Variants in LRP1B observed in about 807,000 individuals in gnomAD.
LRP1B encodes the protein low-density lipoprotein receptor-related protein 1B.
A neutral mutation model predicts 556.6 loss-of-function variants in LRP1B; 217 were observed. That is an observed-to-expected ratio of 0.39 (90% CI 0.35 to 0.44). The LOEUF is 0.44. LRP1B is among the 20% of genes least tolerant of loss of function. The pLI, the probability that LRP1B is intolerant of heterozygous loss-of-function variation, is 1.00. For missense variants in LRP1B, 5,053 were observed against 5,620.8 expected (o/e 0.90, Z 3.23); for synonymous variants, 2,047 against 1,865.8 (o/e 1.10, Z -2.50).
intron 20 of LRP1B, among the ~76,000 whole-genome samples, chr2:140,939,592 A>G (rs1401937073): frequency 6.7e-6 from 1 of 150,226 alleles, no homozygotes; most frequent in East Asian, 1.9e-4. Flanking sequence ...AACTGTATTT[A>G]CTATGTAAAT....
rs562385221 is a variant in LRP1B at position 140,937,774 on chromosome 2, A to T, written c.3136+12461T>A. Among the ~76,000 whole-genome samples, 8 of 152,062 alleles carry T rather than the reference A, an allele frequency of 5.3e-5. No individual in the cohort carries two copies. In the South Asian group the frequency reaches 1.7e-3, roughly 32 times the overall value. On this transcript the variant is annotated intron_variant, in intron 20 of 90. Transcript: ENST00000389484. ...GGTGGGTTAGCTGAGATAGGGTATG[A>T]TATAGATTAGAAGTCAAAATATATT...
chr2:142,057,937 C>G (rs1260767457), intron 1 of LRP1B, among the ~76,000 whole-genome samples: 1 of 152,112 alleles, frequency 6.6e-6, no homozygotes, highest in African/African-American at 2.4e-5. Context: ...CTCTTGAACC[C>G]TTTCTACAGG....
intron 2 of LRP1B, among the ~76,000 whole-genome samples, chr2:141,681,288 G>A (rs556284341): frequency 4.0e-4 from 60 of 151,854 alleles, no homozygotes; most frequent in Middle Eastern, 3.4e-3. Flanking sequence ...GCAAGAGCTC[G>A]TCTCAAAAAA....
chr2:140,462,140 C>T (rs997069064), intron 60 of LRP1B, among the ~76,000 whole-genome samples: 9 of 152,070 alleles, frequency 5.9e-5, no homozygotes, highest in Non-Finnish European at 1.0e-4. Flanking sequence ...ACATTAAATC[C>T]TACTATCTTT....
At chr2:140,356,143 T>C (rs929352817) in intron 75 of LRP1B, among the ~76,000 whole-genome samples, 199 bp downstream of exon 75, 4 of 149,052 alleles carry the variant, frequency 2.7e-5, no homozygotes, top group Non-Finnish European at 6.0e-5. Flanking sequence ...AAAAGCTTTG[T>C]AGCCTCTGTC....
At chr2:141,660,033 G>A (rs552790938) in intron 2 of LRP1B, among the ~76,000 whole-genome samples, 1 of 152,164 alleles carries the variant, frequency 6.6e-6, no homozygotes, top group East Asian at 1.9e-4. Flanking sequence ...TGGCAGAGAG[G>A]GGCCAAAAGG....
chr2:140,680,261 T>A (rs76090500), intron 41 of LRP1B, among the ~76,000 whole-genome samples: 1 of 152,182 alleles, frequency 6.6e-6, no homozygotes, highest in African/African-American at 2.4e-5. Context: ...CACGTAGGCA[T>A]GGAGCTTTAA....
chr2:141,660,184 G>A (rs1690160087), intron 2 of LRP1B, among the ~76,000 whole-genome samples: 1 of 152,058 alleles, frequency 6.6e-6, no homozygotes, highest in Non-Finnish European at 1.5e-5. Flanking sequence ...AGAGAGTGAG[G>A]AAAAGCAGGG....
rs11465120 is a variant in LRP1B, at chr2:141,424,113, C to CTTTT, written c.343+56279_343+56282dup. On this transcript the variant is annotated intron_variant, in intron 3 of 90. Transcript: ENST00000389484. The stretch of plus-strand genomic sequence containing the variant: ...GGAGTTAACTATTACAAGCCTTCAT[C>CTTTT]TTTTTTTTTTTTTTTTTGAGATGGG... Among the ~76,000 whole-genome samples the CTTTT allele has an allele frequency of 1.0e-4, 14 of 136,990 alleles. 2 individuals are homozygous for CTTTT. Among genetic ancestry groups the CTTTT allele is most frequent in the Non-Finnish European group, 9.3e-5 (6 of 64,582 alleles). The allele number at this position is 136,990 out of a possible 152,430, so 89.9% of individuals were successfully genotyped here.
chr2:141,671,999 T>C (rs1442410979), intron 2 of LRP1B, among the ~76,000 whole-genome samples: 3 of 151,980 alleles, frequency 2.0e-5, no homozygotes, highest in African/African-American at 4.8e-5. Flanking sequence ...GAGGCAGATA[T>C]TAGGAAAATA....
chr2:141,507,667 G>T (rs942027356), intron 2 of LRP1B, among the ~76,000 whole-genome samples: 8 of 152,010 alleles, frequency 5.3e-5, no homozygotes, highest in Non-Finnish European at 1.2e-4. Flanking sequence ...AATATATTTA[G>T]ATTGTATTAT....
chr2:140,504,892 TCTCCCA>T (rs1689342549), intron 53 of LRP1B, among the ~76,000 whole-genome samples: 1 of 152,158 alleles, frequency 6.6e-6, no homozygotes, highest in South Asian at 2.1e-4. Flanking sequence ...TGGCAGTATT[TCTCCCA>T]CTCTGGTGAA....
chr2:141,843,259 A>G (rs1052108459), intron 1 of LRP1B, among the ~76,000 whole-genome samples: 1 of 152,178 alleles, frequency 6.6e-6, no homozygotes. Flanking sequence ...ATATAGGACA[A>G]TGTTCTGGAA....
chr2:140,600,555 T>G (rs1403788890), intron 42 of LRP1B, among the ~76,000 whole-genome samples: 1 of 152,104 alleles, frequency 6.6e-6, no homozygotes, highest in Non-Finnish European at 1.5e-5. Flanking sequence ...CTTCAATCTT[T>G]TTTTTGTTTT....
chr2:140,999,750 T>G (rs1434445970), intron 15 of LRP1B, among the ~76,000 whole-genome samples: 1 of 152,066 alleles, frequency 6.6e-6, no homozygotes, highest in Non-Finnish European at 1.5e-5. Flanking sequence ...CATGTTTTGT[T>G]GTTTTTGGTT....
At chr2:140,311,481 A>C (rs760092097) in intron 83 of LRP1B, among the ~76,000 whole-genome samples, 1 of 151,836 alleles carries the variant, frequency 6.6e-6, no homozygotes, top group Non-Finnish European at 1.5e-5. Context: ...TCATGTGTAC[A>C]CGTAGACATG....
At chr2:141,651,062 G>A (rs1689771037) in intron 2 of LRP1B, among the ~76,000 whole-genome samples, 1 of 152,280 alleles carries the variant, frequency 6.6e-6, no homozygotes, top group South Asian at 2.1e-4. Flanking sequence ...ATGGAGAAAG[G>A]AAGCTAAAGT....
chr2:140,982,267 C>T lies in LRP1B; in HGVS notation c.2780G>A (p.Cys927Tyr), dbSNP rs1696793706. 2.5e-6 allele frequency: 4 copies of T among 1,610,650 alleles called. No individual in the cohort carries two copies. The highest frequency in any genetic ancestry group is 2.2e-5 in the East Asian group (1 of 44,820). Residue 927 changes from cysteine (C) to tyrosine (Y), a missense_variant, in exon 18 of 91, where the codon TGC (cysteine) becomes TAC (tyrosine). Cys to Tyr is a radical substitution (Grantham distance 194). This residue lies in a region of LRP1B where 3,619 missense variants were observed against 3,931.9 expected (regional missense o/e 0.92). Transcript: ENST00000389484. ...ESNQTCTART[C>Y]QVDQFSCGNG... ...TCCGCAAGAAAACTGGTCTACCTGG[C>T]ATGTTCTGGCTATGATGATCAATTA...
chr2:141,048,283 C>G (rs1698937127), intron 11 of LRP1B, among the ~76,000 whole-genome samples: 1 of 151,964 alleles, frequency 6.6e-6, no homozygotes, highest in African/African-American at 2.4e-5. Flanking sequence ...CAGTGAAGAT[C>G]TGGTTTGATT....
Sources: gnomAD v4.1 joint callset for allele counts (sites outside exome capture counted in the v4.1 genomes callset) on GRCh38, gnomAD v4.1.1 for gene constraint, gnomAD v4.1.1 regional missense constraint, MANE v1.5 for transcripts, NCBI Gene and HGNC (gene_info 2026-07-23, HGNC 2026-07-21) for gene names.